Variants in HTT observed in about 807,000 individuals in gnomAD.
The protein encoded by HTT is huntingtin.
In HTT, 104 loss-of-function variants were observed where a neutral mutation model predicts 362.3. The ratio of observed to expected loss-of-function variants is 0.29; its 90% confidence interval spans 0.24 to 0.34. HTT has a LOEUF of 0.34. Among genes scored for constraint, HTT ranks in the 10% least tolerant of loss-of-function variants. The pLI is 1.00. For missense variants in HTT, 3,301 were observed against 3,928.6 expected (o/e 0.84, Z 4.27); for synonymous variants, 1,577 against 1,548.7 (o/e 1.02, Z -0.43).
rs375957195 is a variant in HTT, at chr4:3,228,701, C to T, written c.7935C>T (p.Asp2645=). 3.3e-5 allele frequency: 53 copies of T among 1,608,624 alleles called. No homozygotes were observed. Among genetic ancestry groups the T allele is most frequent in the Non-Finnish European group, 4.2e-5 (50 of 1,176,916 alleles). The change falls in exon 58 of 67, where the codon GAC becomes GAT. Residue 2645 remains aspartate (D), a synonymous_variant. Transcript: ENST00000355072. The surrounding 1 kb of genome is among the most constrained non-coding windows in gnomAD (Gnocchi z 4.3). ...ACGAGGAAGAGGAGGAGGAGGCCGA[C>T]GCCCCTGCACCTTCGTCACCACCCA... is the stretch of plus-strand genomic sequence containing the variant. ...EWDEEEEEEA[D]APAPSSPPTS... is the part of the protein sequence containing the mutation.
intron 1 of HTT, among the ~76,000 whole-genome samples, chr4:3,082,090 T>A (rs1042099867): frequency 2.0e-5 from 3 of 151,584 alleles, no homozygotes; most frequent in Non-Finnish European, 4.4e-5. Flanking sequence ...CATTTTTTGT[T>A]TGCTTGACTG....
intron 42 of HTT, 152 bp downstream of exon 42, chr4:3,204,300 T>G: frequency 1.4e-6 from 1 of 723,192 alleles, no homozygotes; most frequent in South Asian, 1.9e-5. Context: ...AATGTTTACT[T>G]CTGCTGTGAC....
intron 1 of HTT, among the ~76,000 whole-genome samples, chr4:3,084,495 G>C (rs1713093159): frequency 6.6e-6 from 1 of 151,610 alleles, no homozygotes; most frequent in Non-Finnish European, 1.5e-5. Context: ...TTCGAGACCA[G>C]CCGGGCCAAC....
chr4:3,107,063 C>A (rs938517705), intron 5 of HTT, among the ~76,000 whole-genome samples: 1 of 151,852 alleles, frequency 6.6e-6, no homozygotes, highest in East Asian at 1.9e-4. Context: ...ATTTTTAAAC[C>A]CAGCCTTTTA....
chr4:3,079,313 G>A (rs1456824077), intron 1 of HTT, among the ~76,000 whole-genome samples: 2 of 147,228 alleles, frequency 1.4e-5, no homozygotes, highest in African/African-American at 5.1e-5. Context: ...CTGGAATGCA[G>A]TATCACTATC....
At chr4:3,149,185 GT>G (rs1346551712) in intron 26 of HTT, among the ~76,000 whole-genome samples, 1 of 151,770 alleles carries the variant, frequency 6.6e-6, no homozygotes, top group Non-Finnish European at 1.5e-5. Flanking sequence ...GTTGTAGAAT[GT>G]TCTGCCAATC....
At chr4:3,215,909 T>C (rs1388499674) in intron 51 of HTT, among the ~76,000 whole-genome samples, 1 of 152,216 alleles carries the variant, frequency 6.6e-6, no homozygotes, top group Non-Finnish European at 1.5e-5. Context: ...GCTGGGGTGC[T>C]TCAGCTTCTT....
intron 8 of HTT, among the ~76,000 whole-genome samples, chr4:3,117,389 A>C (rs1193080505): frequency 6.6e-6 from 1 of 152,132 alleles, no homozygotes; most frequent in East Asian, 1.9e-4. Flanking sequence ...CACACATACA[A>C]AAGTATCAAC....
chr4:3,109,507 G>C (rs1207728736), intron 6 of HTT, among the ~76,000 whole-genome samples: 1 of 152,074 alleles, frequency 6.6e-6, no homozygotes, highest in Non-Finnish European at 1.5e-5. Flanking sequence ...TTACAGGCGT[G>C]AGCCACTGCG....
intron 2 of HTT, 131 bp downstream of exon 2, chr4:3,087,153 CT>C: frequency 1.9e-6 from 1 of 537,732 alleles, no homozygotes; most frequent in Non-Finnish European, 3.4e-6. Context: ...AAGAAGGACC[CT>C]TTTCCCATAT....
rs1372710064 is a variant in HTT, at chr4:3,155,912, AAG to A, written c.3626-1158_3626-1157del. Among the ~76,000 whole-genome samples, 6 of 151,850 alleles carry A rather than the reference AAG, an allele frequency of 4.0e-5. No homozygotes were observed. The East Asian group carries it at 9.7e-4, about 25-fold the overall frequency. ...GACTCCGTCTCAAAAAAAAAAAAAA[AAG>A]AAGAAATACATATGCATTGTGGAAT... is the stretch of plus-strand genomic sequence containing the variant. On this transcript the variant is annotated intron_variant, in intron 27 of 66. Coordinates refer to ENST00000355072, the MANE Select transcript of HTT (RefSeq NM_001388492.1).
chr4:3,083,568 CACACACACACACACACACAT>C (rs1713036330), intron 1 of HTT, among the ~76,000 whole-genome samples: 4 of 148,800 alleles, frequency 2.7e-5, no homozygotes, highest in Non-Finnish European at 5.9e-5. Context: ...CACACACACA[CACACACACACACACACACAT>C]ATATATGTAT....
chr4:3,212,269 A>G (rs1720195919), intron 48 of HTT, 127 bp downstream of exon 48: 2 of 782,966 alleles, frequency 2.6e-6, no homozygotes, highest in Non-Finnish European at 4.0e-6. Flanking sequence ...AGAGGTAGCT[A>G]AAGAGCAGCA....
rs1259681383 is a variant in HTT, at chr4:3,206,112, G to A, written c.5719-384G>A. 1.3e-5 allele frequency among the ~76,000 whole-genome samples: 2 copies of A among 152,206 alleles called. No homozygotes were observed. The highest frequency in any genetic ancestry group is 1.9e-4 in the East Asian group (1 of 5,194). ...CACTGGCTTAGCCGGCCCGAAGCCC[G>A]GGAGAGGGCAGGCAGTGCTGTGGAT... On this transcript the variant is annotated intron_variant, in intron 42 of 66. Transcript: ENST00000355072. The surrounding 1 kb of genome is among the most constrained non-coding windows in gnomAD (Gnocchi z 4.6).
In HTT at chr4:3,145,182, T is replaced by G; in HGVS notation, c.3097T>G (p.Ser1033Ala). ...FGCCEALCLL[S>A]TAFPVCIWSL... Reference sequence around the variant, plus strand: ...ATGCTGTGAAGCTTTGTGTCTTCTTTCCACTGCCTTCCCAGTTTGCATTTG... The same window carrying G: ...ATGCTGTGAAGCTTTGTGTCTTCTTGCCACTGCCTTCCCAGTTTGCATTTG... The change falls in exon 24 of 67, where the codon TCC becomes GCC. Residue 1033 changes from serine to alanine, a missense_variant. By Grantham distance (99) the Ser-to-Ala change is moderately conservative. Transcript: ENST00000355072. The G allele has an allele frequency of 6.2e-7, 1 of 1,614,032 alleles. No individual in the cohort carries two copies. The highest frequency in any genetic ancestry group is 1.1e-5 in the South Asian group (1 of 91,078).
intron 47 of HTT, 120 bp from the exon 48 acceptor site, chr4:3,211,809 C>T: frequency 5.8e-6 from 4 of 692,996 alleles, no homozygotes; most frequent in Non-Finnish European, 9.9e-6. Flanking sequence ...TGATGGTATA[C>T]CAATTTGTAT....
At chr4:3,150,826 G>A (rs1716843528) in intron 26 of HTT, among the ~76,000 whole-genome samples, 2 of 152,196 alleles carry the variant, frequency 1.3e-5, no homozygotes, top group Admixed American at 1.3e-4. Context: ...CACAAGGTCA[G>A]GAGATCGAGA....
At chr4:3,095,927 C>T (rs28834148) in intron 2 of HTT, among the ~76,000 whole-genome samples, 3 of 152,026 alleles carry the variant, frequency 2.0e-5, no homozygotes, top group Middle Eastern at 3.2e-3. Flanking sequence ...TAAAAGGCAG[C>T]GATTTTTCAG....
intron 25 of HTT, 65 bp downstream of exon 25, chr4:3,147,013 G>T (rs1464299094): frequency 1.3e-6 from 2 of 1,508,748 alleles, no homozygotes; most frequent in African/African-American, 1.4e-5. Flanking sequence ...GGGGGAATGG[G>T]GGTGGTGAGC....
Sources: gnomAD v4.1 joint callset for allele counts (sites outside exome capture counted in the v4.1 genomes callset) on GRCh38, gnomAD v4.1.1 for gene constraint, Gnocchi (gnomAD v3.1) non-coding constraint, MANE v1.5 for transcripts, NCBI Gene and HGNC (gene_info 2026-07-23, HGNC 2026-07-21) for gene names.